Variants in FLNB observed in about 807,000 individuals in gnomAD.
FLNB encodes filamin-B.
In FLNB, 111 loss-of-function variants were observed where a neutral mutation model predicts 250.6. The ratio of observed to expected loss-of-function variants is 0.44; its 90% CI spans 0.38 to 0.52. FLNB has a LOEUF of 0.52. Among genes scored for constraint, FLNB ranks in the 20% least tolerant of loss-of-function variants. FLNB has a pLI of 0.00. For synonymous variants in FLNB, 1,302 were observed against 1,372.1 expected (o/e 0.95, Z 1.13); for missense variants, 2,869 against 3,447.8 (o/e 0.83, Z 4.20).
intron 3 of FLNB, among the ~76,000 whole-genome samples, chr3:58,081,311 C>T (rs953235589): frequency 6.6e-6 from 1 of 152,090 alleles, no homozygotes; most frequent in South Asian, 2.1e-4. Context: ...CTTGCTATAG[C>T]TTATCCTTTT....
Position 58,051,279 on chromosome 3 carries a change from T to C in FLNB, c.293-25767T>C, listed in dbSNP as rs769768378. Among the ~76,000 whole-genome samples, 5 of 152,372 alleles carry C rather than the reference T, an allele frequency of 3.3e-5. No homozygotes were observed. The South Asian group carries it at 8.3e-4, about 25-fold the overall frequency. On this transcript the variant is annotated intron_variant, in intron 1 of 45. Transcript: ENST00000295956. ...GAGACGCATGCCTCTTCCAGTTCAC[T>C]GTTCACCATTGCAGCATATTTATTC...
intron 43 of FLNB, among the ~76,000 whole-genome samples, chr3:58,167,853 G>A (rs1201504841): frequency 6.6e-6 from 1 of 152,242 alleles, no homozygotes; most frequent in Non-Finnish European, 1.5e-5. Flanking sequence ...AGTGGGGTAC[G>A]CATGCCCCGT....
At chr3:58,096,294 G>C (rs1304397888) in intron 6 of FLNB, 76 bp downstream of exon 6, 1 of 1,045,778 alleles carries the variant, frequency 9.6e-7, no homozygotes, top group Non-Finnish European at 1.5e-6. Context: ...GAAGAAGAGT[G>C]TTTTTCTTAA....
chr3:58,150,054 G>T (rs1214666302), intron 37 of FLNB, 51 bp from the exon 38 acceptor site: 1 of 1,614,286 alleles, frequency 6.2e-7, no homozygotes, highest in East Asian at 2.2e-5. Flanking sequence ...TTCTGTAAAT[G>T]CTGTGCCTTG....
chr3:58,022,055 G>C (rs1224308207), intron 1 of FLNB, among the ~76,000 whole-genome samples: 1 of 152,156 alleles, frequency 6.6e-6, no homozygotes, highest in African/African-American at 2.4e-5. Flanking sequence ...TTACAGGCAT[G>C]AGCCACCTCA....
intron 24 of FLNB, 74 bp from the exon 25 acceptor site, chr3:58,130,667 G>A (rs1158990788): frequency 2.7e-6 from 4 of 1,506,878 alleles, no homozygotes; most frequent in Non-Finnish European, 3.6e-6. Context: ...GGGAGCAGCA[G>A]TGCTATTCTG....
intron 1 of FLNB, among the ~76,000 whole-genome samples, chr3:58,022,678 A>G (rs553361739): frequency 6.6e-6 from 1 of 152,358 alleles, no homozygotes; most frequent in African/African-American, 2.4e-5. Context: ...AATTCCCGTT[A>G]TGCAGATGAG....
chr3:58,098,070 C>T (rs1425960471), intron 7 of FLNB, 93 bp downstream of exon 7: 1 of 1,324,938 alleles, frequency 7.5e-7, no homozygotes, highest in Non-Finnish European at 1.1e-6. Context: ...GACCTTTTGT[C>T]TTTTAAATCA....
At chr3:58,069,129 A>G (rs566234057) in intron 1 of FLNB, among the ~76,000 whole-genome samples, 39 of 138,942 alleles carry the variant, frequency 2.8e-4, no homozygotes, top group African/African-American at 1.1e-3. Context: ...GATGACCGAG[A>G]CCCTGTCTTT....
At chr3:58,056,633 G>A (rs532993911) in intron 1 of FLNB, among the ~76,000 whole-genome samples, 176 of 151,696 alleles carry the variant, frequency 1.2e-3, no homozygotes, top group African/African-American at 4.1e-3. Context: ...ACGGAGTCTC[G>A]CTTTGTTGCC....
Position 58,077,395 on chromosome 3 carries a change from C to G in FLNB, c.541+101C>G, listed in dbSNP as rs141485654. ...GGAATGCTATCTTTGCTTTGATTAG[C>G]GTATTTCTCCAGGTCTTAGCCCATT... On this transcript the variant is annotated intron_variant, in intron 2 of 45. Coordinates refer to ENST00000295956, the MANE Select transcript of FLNB (RefSeq NM_001457.4). The G allele has an allele frequency of 4.9e-6, 7 of 1,434,114 alleles. No homozygotes were observed. In the South Asian group the frequency reaches 8.3e-5, roughly 17 times the overall value. 88.8% of individuals were successfully genotyped at this position (1,434,114 alleles called of 1,614,324 possible). A position where few individuals can be genotyped will look rare whatever the true frequency, so the allele number is the denominator to read the frequency against.
chr3:58,055,157 C>T (rs1039953602), intron 1 of FLNB, among the ~76,000 whole-genome samples: 1 of 152,002 alleles, frequency 6.6e-6, no homozygotes, highest in African/African-American at 2.4e-5. Context: ...ATCCCAGCTA[C>T]TTGGGTGTCG....
intron 1 of FLNB, among the ~76,000 whole-genome samples, chr3:58,064,772 A>T (rs1576657398): frequency 6.6e-6 from 1 of 151,938 alleles, no homozygotes. Context: ...CAGCACTTTG[A>T]GAGGCCAATG....
At chr3:58,154,558 A>T (rs891860340) in intron 39 of FLNB, 11 of 486,396 alleles carry the variant, frequency 2.3e-5, no homozygotes, top group Middle Eastern at 5.8e-4. Flanking sequence ...AAAAAAAAAA[A>T]AAAGACATGT....
chr3:58,065,818 A>C (rs547309885), intron 1 of FLNB, among the ~76,000 whole-genome samples: 1 of 152,250 alleles, frequency 6.6e-6, no homozygotes, highest in Non-Finnish European at 1.5e-5. Context: ...GCCTCACCAC[A>C]TGACAAACTG....
chr3:58,098,013 G>C (rs140265171), intron 7 of FLNB, 36 bp downstream of exon 7: 1 of 1,610,166 alleles, frequency 6.2e-7, no homozygotes, highest in Non-Finnish European at 8.5e-7. Context: ...TGACCTTTGC[G>C]CTTTCTTCCA....
chr3:58,031,452 C>T (rs999055614), intron 1 of FLNB, among the ~76,000 whole-genome samples: 25 of 150,886 alleles, frequency 1.7e-4, no homozygotes, highest in Non-Finnish European at 2.2e-4. Context: ...CTGTGTTAGC[C>T]AGGATGGTCT....
rs139936322 is a variant in FLNB, at chr3:58,171,276, G to C, written c.*514G>C. 278 of 169,524 alleles carry C rather than the reference G, an allele frequency of 1.6e-3. 3 individuals carry two copies. In the Middle Eastern group the frequency reaches 0.04, roughly 24 times the overall value. 10.5% of individuals were successfully genotyped at this position (169,524 alleles called of 1,614,324 possible). A position where few individuals can be genotyped will look rare whatever the true frequency, so the allele number is the denominator to read the frequency against. On this transcript the variant is annotated 3_prime_UTR_variant, in exon 46 of 46. Transcript: ENST00000295956. This position sits in a 1 kb window ranked among gnomAD's most constrained non-coding sequence, Gnocchi z 5.5. The stretch of plus-strand genomic sequence containing the variant: ...ATTAGATCACTAGCACTGCTTTACC[G>C]CTCCTCATCGCCAACACCCCCATGC...
intron 1 of FLNB, among the ~76,000 whole-genome samples, chr3:58,064,739 G>A (rs1003124858): frequency 2.2e-4 from 34 of 152,034 alleles, no homozygotes; most frequent in Admixed American, 2.2e-3. Flanking sequence ...CCAGCCAGGT[G>A]CAGTGGCTCA....
Sources: gnomAD v4.1 joint callset for allele counts (sites outside exome capture counted in the v4.1 genomes callset) on GRCh38, gnomAD v4.1.1 for gene constraint, Gnocchi (gnomAD v3.1) non-coding constraint, MANE v1.5 for transcripts, NCBI Gene and HGNC (gene_info 2026-07-23, HGNC 2026-07-21) for gene names.